Variants in BIN2 observed in about 807,000 individuals in gnomAD.
BIN2 encodes the protein bridging integrator 2, also known as breast cancer associated protein BRAP1.
A neutral mutation model predicts 67.9 loss-of-function variants in BIN2; 43 were observed. The ratio of observed to expected loss-of-function variants is 0.63; its 90% CI spans 0.50 to 0.82. BIN2 has a LOEUF of 0.82. Among genes scored for constraint, BIN2 ranks in the 40% least tolerant of loss-of-function variants. The pLI is 0.00. For missense variants in BIN2, 581 were observed against 671.6 expected, an observed-to-expected ratio of 0.87 and a Z score of 1.49; for synonymous variants, 244 against 246.8, an observed-to-expected ratio of 0.99 and a Z score of 0.11.
At chr12:51,302,505 A>C in intron 4 of BIN2, 181 bp downstream of exon 4, 1 of 606,978 alleles carries the variant, frequency 1.6e-6, no homozygotes, top group Non-Finnish European at 2.9e-6. Context: ...GATTAGGGAA[A>C]ACTTGTTTTT....
intron 2 of BIN2, among the ~76,000 whole-genome samples, chr12:51,312,542 C>T (rs1317782628): frequency 1.3e-5 from 2 of 151,870 alleles, no homozygotes; most frequent in Non-Finnish European, 2.9e-5. Context: ...CTTAGGTTGC[C>T]GAATGAAATG....
At chr12:51,291,330 C>T (rs1406955638) in intron 10 of BIN2, among the ~76,000 whole-genome samples, 2 of 152,070 alleles carry the variant, frequency 1.3e-5, no homozygotes, top group South Asian at 2.1e-4. Context: ...CTACCAGAGC[C>T]GGGTGCAGTG....
intron 4 of BIN2, chr12:51,302,423 C>A: frequency 1.9e-6 from 1 of 524,272 alleles, no homozygotes; most frequent in South Asian, 2.3e-5. Context: ...AAAAAACAAC[C>A]AATCTTTAGG....
At chr12:51,287,655 T>C (rs539287844) in intron 11 of BIN2, among the ~76,000 whole-genome samples, 2 of 149,512 alleles carry the variant, frequency 1.3e-5, no homozygotes, top group Admixed American at 1.3e-4. Context: ...AAAAGTTTTT[T>C]TTTTTTTTCT....
Position 51,291,722 on chromosome 12 carries a change from A to C in BIN2, c.1384T>G (p.Ser462Ala). 1.2e-6 allele frequency: 2 copies of C among 1,613,548 alleles called. No homozygotes were observed. Among genetic ancestry groups the C allele is most frequent in the Non-Finnish European group, 1.7e-6 (2 of 1,179,720 alleles). Reference sequence around the variant, plus strand: ...TCTGGATTAGGAGAGACCTCTAGGGAGGTCCTAGGACTTGCAGTCCCAGTC... The same window carrying C: ...TCTGGATTAGGAGAGACCTCTAGGGCGGTCCTAGGACTTGCAGTCCCAGTC... ...LGTGTASPRT[S>A]LEVSPNPEPP... Residue 462 changes from serine to alanine, a missense_variant, in exon 10 of 13, where the codon TCC becomes GCC. By Grantham distance (99) the Ser-to-Ala change is moderately conservative. Transcript: ENST00000615107.
At chr12:51,316,789 T>C (rs1385253030) in intron 1 of BIN2, among the ~76,000 whole-genome samples, 1 of 152,172 alleles carries the variant, frequency 6.6e-6, no homozygotes, top group Non-Finnish European at 1.5e-5. Context: ...TTCATCCCAT[T>C]GATCGATTAT....
chr12:51,294,572 A>C (rs1264621955), intron 9 of BIN2, among the ~76,000 whole-genome samples: 4 of 151,826 alleles, frequency 2.6e-5, no homozygotes, highest in Admixed American at 2.0e-4. Context: ...GTCTCAAAAA[A>C]AAAAAAAACA....
intron 8 of BIN2, among the ~76,000 whole-genome samples, chr12:51,296,194 GC>G: frequency 6.6e-6 from 1 of 152,118 alleles, no homozygotes; most frequent in East Asian, 1.9e-4. Context: ...TCATTTTTAG[GC>G]CAGGCGCCTA....
In BIN2 at chr12:51,314,129, C is replaced by A. The variant is rs191959761; in HGVS notation, c.82-226G>T. Among the ~76,000 whole-genome samples the A allele has an allele frequency of 4.1e-3, 618 of 152,110 alleles. 3 individuals carry two copies. Among genetic ancestry groups the A allele is most frequent in the African/African-American group, 0.014 (570 of 41,494 alleles). On this transcript the variant is annotated intron_variant, in intron 1 of 12. Coordinates refer to ENST00000615107, the MANE Select transcript of BIN2 (RefSeq NM_016293.4). ...GTGGCACGATCTCGGCTCACTGCAACCTTCGCCTCCCAGGTTCAAGCAATT... is the reference window on the plus strand; with the variant it reads ...GTGGCACGATCTCGGCTCACTGCAAACTTCGCCTCCCAGGTTCAAGCAATT...
chr12:51,298,111 C>T (rs1376010619), intron 7 of BIN2, among the ~76,000 whole-genome samples: 8 of 151,902 alleles, frequency 5.3e-5, no homozygotes, highest in African/African-American at 9.7e-5. Flanking sequence ...CGGTGGCTCA[C>T]GCGTGTAATC....
intron 12 of BIN2, among the ~76,000 whole-genome samples, chr12:51,284,194 C>A (rs1945184292): frequency 6.6e-6 from 1 of 152,082 alleles, no homozygotes; most frequent in Middle Eastern, 3.4e-3. Context: ...TTTTTATTTT[C>A]TATATGCTAT....
Position 51,292,042 on chromosome 12 carries a change from GC to G in BIN2, c.1063del (p.Ala355ProfsTer20). 1 of 1,614,168 alleles carries G rather than the reference GC, an allele frequency of 6.2e-7. No homozygotes were observed. The highest frequency in any genetic ancestry group is 8.5e-7 in the Non-Finnish European group (1 of 1,180,006). On this transcript the variant is annotated frameshift_variant, in exon 10 of 13. Coordinates refer to ENST00000615107, the MANE Select transcript of BIN2 (RefSeq NM_016293.4). LOFTEE classifies it high-confidence loss of function. ...GGGGAGAACTTCCTCCTGGGACTTGGCCCTTTCAGTGGTAGGAGAGGGCTGG... is the reference window on the plus strand; with the variant it reads ...GGGGAGAACTTCCTCCTGGGACTTGGCCTTTCAGTGGTAGGAGAGGGCTGG... ...QAQPSPTTER[A>X]KSQEEVLPSS...
At chr12:51,285,775 C>G (rs1040582023) in intron 11 of BIN2, among the ~76,000 whole-genome samples, 2 of 152,070 alleles carry the variant, frequency 1.3e-5, no homozygotes, top group South Asian at 2.1e-4. Context: ...AGGCGCCCAC[C>G]ACCATGCCTG....
At chr12:51,319,666 G>A (rs1207953697) in intron 1 of BIN2, among the ~76,000 whole-genome samples, 1 of 152,118 alleles carries the variant, frequency 6.6e-6, no homozygotes, top group African/African-American at 2.4e-5. Flanking sequence ...GTGGCAAAAC[G>A]TTAACACTTG....
chr12:51,297,224 T>G (rs1289490073), intron 7 of BIN2, 60 bp from the exon 8 acceptor site: 1 of 1,520,228 alleles, frequency 6.6e-7, no homozygotes, highest in African/African-American at 1.4e-5. Context: ...AGTTCTTTGT[T>G]TGAAATACAA....
intron 12 of BIN2, among the ~76,000 whole-genome samples, chr12:51,282,525 A>G (rs772478144): frequency 6.6e-6 from 1 of 152,256 alleles, no homozygotes; most frequent in Non-Finnish European, 1.5e-5. Context: ...TGTACAGTAC[A>G]TAACACTTGA....
intron 1 of BIN2, among the ~76,000 whole-genome samples, chr12:51,320,936 A>ACACACACACACACAC (rs1031506424): frequency 0.082 from 11,400 of 138,360 alleles, 891 homozygotes; most frequent in Middle Eastern, 0.11. Context: ...TCATACTAAA[A>ACACACACACACACAC]ACACACACAC....
At chr12:51,294,076 A>G (rs4762012) in intron 9 of BIN2, among the ~76,000 whole-genome samples, 119,636 of 152,096 alleles carry the variant, frequency 0.79, 48,164 homozygotes, top group South Asian at 0.88. Context: ...AAAACCTAGA[A>G]GACAACTCAA....
chr12:51,307,282 C>CAAA (rs11348350), intron 2 of BIN2, among the ~76,000 whole-genome samples: 1 of 101,580 alleles, frequency 9.8e-6, no homozygotes, highest in Admixed American at 1.0e-4. Context: ...GACTCTGACT[C>CAAA]AAAAAAAAAA....
Sources: allele counts gnomAD v4.1 joint callset (sites outside exome capture counted in the v4.1 genomes callset), GRCh38; gene constraint gnomAD v4.1.1; transcripts MANE v1.5; gene names NCBI Gene and HGNC (gene_info 2026-07-23, HGNC 2026-07-21).